CCDC59: variants seen among roughly 807,000 people sequenced by gnomAD.
CCDC59 encodes the protein coiled-coil domain containing 59, also known as thyroid transcription factor 1-associated protein 26.
In CCDC59, 27 loss-of-function variants were observed where a neutral mutation model predicts 30.5. That is an observed-to-expected ratio of 0.89 (90% confidence interval 0.65 to 1.22). The LOEUF is 1.22. Ranked by LOEUF, CCDC59 falls within the 50% of genes most tolerant of loss-of-function variation. The pLI, the probability that CCDC59 is intolerant of heterozygous loss-of-function variation, is 0.00. For synonymous variants in CCDC59, 125 were observed against 100.9 expected, an observed-to-expected ratio of 1.24 and a Z score of -1.43; for missense variants, 362 against 284.4, an observed-to-expected ratio of 1.27 and a Z score of -1.96.
Position 82,357,229 on chromosome 12 carries a change from T to G in CCDC59, c.195A>C (p.Gln65His). The G allele has an allele frequency of 6.2e-7, 1 of 1,613,958 alleles. No individual in the cohort carries two copies. Among genetic ancestry groups the G allele is most frequent in the Non-Finnish European group, 8.5e-7 (1 of 1,179,918 alleles). The change falls in exon 2 of 4, where the codon CAA becomes CAC. Residue 65 changes from glutamine (Q) to histidine (H), a missense_variant. Gln to His is a conservative substitution (Grantham distance 24, BLOSUM62 0). Coordinates refer to ENST00000256151, the MANE Select transcript of CCDC59 (RefSeq NM_014167.5). ...FAFRRKLKIQ[Q>H]SYKKLLRKEK... ...CCTTCCGTAGCAATTTCTTGTAACT[T>G]TGCTGTATTTTCAGTTTTCTTCGAA... is the stretch of plus-strand genomic sequence containing the variant.
upstream of CCDC59, chr12:82,358,768 A>T (rs1304159952): frequency 6.2e-7 from 1 of 1,613,794 alleles, no homozygotes; most frequent in Middle Eastern, 1.6e-4. Flanking sequence ...TCAGCGTCGG[A>T]GACGGAGGCC....
chr12:82,356,567 T>A (rs1565785129), intron 2 of CCDC59, among the ~76,000 whole-genome samples: 2 of 152,218 alleles, frequency 1.3e-5, no homozygotes, highest in South Asian at 4.1e-4. Context: ...TTTTCCCATT[T>A]TAAAGAAGAG....
At chr12:82,354,469 C>T in intron 3 of CCDC59, 26 bp downstream of exon 3, 1 of 1,533,328 alleles carries the variant, frequency 6.5e-7, no homozygotes, top group Non-Finnish European at 8.8e-7. Flanking sequence ...AAAAACTATA[C>T]TAAATATTTT....
At position 82,353,066 on chromosome 12, in the gene CCDC59, G is replaced by C; in HGVS notation, c.*85C>G. 9.4e-7 allele frequency: 1 copy of C among 1,062,404 alleles called. No individual in the cohort carries two copies. Among genetic ancestry groups the C allele is most frequent in the Non-Finnish European group, 1.3e-6 (1 of 743,438 alleles). The allele number at this position is 1,062,404 out of a possible 1,614,324, so 65.8% of individuals were successfully genotyped here. A position where few individuals can be genotyped will look rare whatever the true frequency, so the allele number is the denominator to read the frequency against. On this transcript the variant is annotated 3_prime_UTR_variant, in exon 4 of 4. Transcript: ENST00000256151. ...ATAGTTTAGCAATCCAGTTTATGTCGACAAATTTAGTTCACTGCTGGGAGG... is the reference window on the plus strand; with the variant it reads ...ATAGTTTAGCAATCCAGTTTATGTCCACAAATTTAGTTCACTGCTGGGAGG...
In CCDC59 at chr12:82,358,250, G is replaced by C; in HGVS notation, c.127C>G (p.Gln43Glu). 2.5e-6 allele frequency: 4 copies of C among 1,614,186 alleles called. No homozygotes were observed. The highest frequency in any genetic ancestry group is 3.4e-6 in the Non-Finnish European group (4 of 1,180,030). Residue 43 changes from glutamine to glutamate, a missense_variant, in exon 1 of 4, where the codon CAA becomes GAA. Gln to Glu is a conservative substitution (Grantham distance 29). Coordinates refer to ENST00000256151, the MANE Select transcript of CCDC59 (RefSeq NM_014167.5). ...RQKTWRPNHP[Q>E]AFVGSVREGQ... ...TCGCGAACGCTCCCCACGAAGGCTT[G>C]CGGGTGGTTAGGCCGCCATGTCTTC...
At chr12:82,356,555 A>G (rs184772730) in intron 2 of CCDC59, among the ~76,000 whole-genome samples, 96 of 152,300 alleles carry the variant, frequency 6.3e-4, no homozygotes, top group African/African-American at 2.1e-3. Flanking sequence ...ACATAGTGTT[A>G]TTTTTCCCAT....
rs1881234895 is a variant in CCDC59 at position 82,358,371 on chromosome 12, C to T, written c.6G>A (p.Ala2=). 1.2e-6 allele frequency: 2 copies of T among 1,613,332 alleles called. No individual in the cohort carries two copies. Among genetic ancestry groups the T allele is most frequent in the South Asian group, 1.1e-5 (1 of 91,090 alleles). Reference sequence around the variant, plus strand: ...GCCACTTCGCGGACCGCCTCACCGGCGCCATTGCAGCCGACTAACTGCGTC... The same window carrying T: ...GCCACTTCGCGGACCGCCTCACCGGTGCCATTGCAGCCGACTAACTGCGTC... M[A]PVRRSAKWRP... Residue 2 remains alanine (A), a synonymous_variant, in exon 1 of 4, where the codon GCG becomes GCA. Coordinates refer to ENST00000256151, the MANE Select transcript of CCDC59 (RefSeq NM_014167.5).
chr12:82,358,439 C>A (rs976755995), upstream of CCDC59: 28 of 1,606,366 alleles, frequency 1.7e-5, no homozygotes, highest in Non-Finnish European at 2.4e-5. Context: ...CGTCACCAAG[C>A]CGAAGCAATC....
chr12:82,357,728 G>C (rs1881148466), intron 1 of CCDC59, among the ~76,000 whole-genome samples: 1 of 152,188 alleles, frequency 6.6e-6, no homozygotes, highest in African/African-American at 2.4e-5. Context: ...TGTCTGAAAA[G>C]CTAGCAATTA....
chr12:82,356,155 A>C (rs147704339), intron 2 of CCDC59: 3 of 152,326 alleles, frequency 2.0e-5, no homozygotes, highest in African/African-American at 7.2e-5. Flanking sequence ...TGAAGTAAAA[A>C]ATTATGCTCC....
chr12:82,354,748 G>T, intron 2 of CCDC59, 154 bp from the exon 3 acceptor site: 1 of 570,536 alleles, frequency 1.8e-6, no homozygotes, highest in Non-Finnish European at 2.7e-6. Context: ...AATATAGAAA[G>T]CTATGAAAAA....
chr12:82,352,919 T>TA lies in CCDC59; in HGVS notation c.*231dup, dbSNP rs1300198485. On this transcript the variant is annotated 3_prime_UTR_variant, in exon 4 of 4. Coordinates refer to ENST00000256151, the MANE Select transcript of CCDC59 (RefSeq NM_014167.5). ...ACATGCTTGGGCCTGTCTTGCAAAA[T>TA]AAGAGGTTCTTTCAGTTCTTCAGGC... 3 of 362,680 alleles carry TA rather than the reference T, an allele frequency of 8.3e-6. No individual in the cohort carries two copies. Among genetic ancestry groups the TA allele is most frequent in the Middle Eastern group, 7.7e-4 (1 of 1,294 alleles). The allele number at this position is 362,680 out of a possible 1,614,324, so 22.5% of individuals were successfully genotyped here. A position where few individuals can be genotyped will look rare whatever the true frequency, so the allele number is the denominator to read the frequency against.
Position 82,357,169 on chromosome 12 carries a change from G to C in CCDC59, c.255C>G (p.Phe85Leu), listed in dbSNP as rs1447447533. ...KKAQTSLESQ[F>L]TDRYPDNLKH... ...TCAGATTATCTGGGTATCGATCTGTGAATTGAGATTCCAGTGACGTTTGAG... is the reference window on the plus strand; with the variant it reads ...TCAGATTATCTGGGTATCGATCTGTCAATTGAGATTCCAGTGACGTTTGAG... The change falls in exon 2 of 4, where the codon TTC becomes TTG. Residue 85 changes from phenylalanine (F) to leucine (L), a missense_variant. Transcript: ENST00000256151. 1 of 1,613,998 alleles carries C rather than the reference G, an allele frequency of 6.2e-7. No homozygotes were observed. Among genetic ancestry groups the C allele is most frequent in the East Asian group, 2.2e-5 (1 of 44,862 alleles).
At chr12:82,356,166 CA>C (rs1455779325) in intron 2 of CCDC59, 2 of 152,194 alleles carry the variant, frequency 1.3e-5, no homozygotes, top group Non-Finnish European at 2.9e-5. Context: ...ATTATGCTCC[CA>C]AGTTAATACC....
At chr12:82,358,539 C>G (rs1163599521), upstream of CCDC59, 1 of 1,603,216 alleles carries the variant, frequency 6.2e-7, no homozygotes, top group African/African-American at 1.3e-5. Flanking sequence ...ATGTTTGCGC[C>G]ACCTACAGCC....
intron 2 of CCDC59, chr12:82,354,919 C>G: frequency 5.6e-6 from 1 of 179,396 alleles, no homozygotes. Context: ...AGCCCCTCCT[C>G]TCTATTCCAT....
At position 82,356,956 on chromosome 12, in the gene CCDC59, A is replaced by G; in HGVS notation, c.464+4T>C. ...AAAGGATTTCAAATGAAGAAAATAC[A>G]TACTTTACTGTTTTAATACATTGTT... On this transcript the variant is annotated splice_donor_region_variant and intron_variant, in intron 2 of 3. Coordinates refer to ENST00000256151, the MANE Select transcript of CCDC59 (RefSeq NM_014167.5). The G allele has an allele frequency of 6.3e-7, 1 of 1,593,144 alleles. No homozygotes were observed. Among genetic ancestry groups the G allele is most frequent in the African/African-American group, 1.3e-5 (1 of 74,556 alleles).
At position 82,352,676 on chromosome 12, in the gene CCDC59, G is replaced by A. The variant is rs1880863106; in HGVS notation, c.*475C>T. 1 of 152,884 alleles carries A rather than the reference G, an allele frequency of 6.5e-6. No individual in the cohort carries two copies. The highest frequency in any genetic ancestry group is 1.5e-5 in the Non-Finnish European group (1 of 68,606). 9.5% of individuals were successfully genotyped at this position (152,884 alleles called of 1,614,324 possible). On this transcript the variant is annotated 3_prime_UTR_variant, in exon 4 of 4. Transcript: ENST00000256151. The stretch of plus-strand genomic sequence containing the variant: ...TGAAGGTCGCTTTGTTATATGGTGA[G>A]GGCAGTTTATTTCAGCACCCATCAC...
chr12:82,354,170 C>T (rs1880926269), intron 3 of CCDC59, among the ~76,000 whole-genome samples: 2 of 152,024 alleles, frequency 1.3e-5, no homozygotes, highest in African/African-American at 4.8e-5. Flanking sequence ...TTTTATCATA[C>T]ATAAAAATCT....
Sources: allele counts gnomAD v4.1 joint callset (sites outside exome capture counted in the v4.1 genomes callset), GRCh38; gene constraint gnomAD v4.1.1; transcripts MANE v1.5; gene names NCBI Gene and HGNC (gene_info 2026-07-23, HGNC 2026-07-21).